The following PAK5 variants were observed in gnomAD, a reference collection of about 807,000 sequenced individuals.
PAK5 encodes the protein p21 (RAC1) activated kinase 5, also known as serine/threonine-protein kinase PAK 5.
PAK5 carries 16 observed loss-of-function variants against 65.9 expected under a neutral mutation model. That is an observed-to-expected ratio of 0.24 (90% CI 0.16 to 0.37). PAK5 has a LOEUF of 0.37. Among genes scored for constraint, PAK5 ranks in the 10% least tolerant of loss-of-function variants. The probability of loss-of-function intolerance (pLI) is 1.00; values close to 1 mark genes in which losing one functional copy is unlikely to be tolerated. For missense variants in PAK5, 785 were observed against 903.9 expected, an observed-to-expected ratio of 0.87 and a Z score of 1.69; for synonymous variants, 371 against 354.9, an observed-to-expected ratio of 1.05 and a Z score of -0.51.
At chr20:9,556,566 CA>C (rs1380967840) in intron 7 of PAK5, among the ~76,000 whole-genome samples, 2 of 152,208 alleles carry the variant, frequency 1.3e-5, no homozygotes, top group Non-Finnish European at 2.9e-5. Context: ...GTGGGAGTTT[CA>C]GGGGGCTCCG....
intron 1 of PAK5, among the ~76,000 whole-genome samples, chr20:9,802,249 A>C (rs1257305591): frequency 6.6e-6 from 1 of 152,152 alleles, no homozygotes; most frequent in Non-Finnish European, 1.5e-5. Flanking sequence ...GGCAAAGGGC[A>C]TATGGCTTAG....
At chr20:9,595,453 G>A (rs1331694536) in intron 3 of PAK5, among the ~76,000 whole-genome samples, 1 of 152,128 alleles carries the variant, frequency 6.6e-6, no homozygotes, top group East Asian at 1.9e-4. Context: ...TACCAACAAA[G>A]AGAGATGATC....
Position 9,802,910 on chromosome 20 carries a change from G to GTATATATATATATATATATATATATATA in PAK5, c.-162+35851_-162+35852insTATATATATATATATATATATATATATA, listed in dbSNP as rs57705525. Among the ~76,000 whole-genome samples the GTATATATATATATATATATATATATATA allele has an allele frequency of 5.0e-3, 231 of 46,312 alleles. 27 individuals are homozygous for GTATATATATATATATATATATATATATA. The highest frequency in any genetic ancestry group is 0.018 in the Middle Eastern group (1 of 56). 30.4% of individuals were successfully genotyped at this position (46,312 alleles called of 152,430 possible). On this transcript the variant is annotated intron_variant, in intron 1 of 9. Transcript: ENST00000353224. ...CTTCTGTACTATTGTATATGTATGT[G>GTATATATATATATATATATATATATATA]TATATATATATATATATATATATGA...
Position 9,764,202 on chromosome 20 carries a change from C to T in PAK5, c.-161-52767G>A, listed in dbSNP as rs4638871. Among the ~76,000 whole-genome samples the T allele has an allele frequency of 3.8e-3, 580 of 152,248 alleles. 3 individuals are homozygous for T. Among genetic ancestry groups the T allele is most frequent in the African/African-American group, 0.013 (543 of 41,568 alleles). On this transcript the variant is annotated intron_variant, in intron 1 of 9. Transcript: ENST00000353224. ...AAGGACACTGTGTTGGCTTCCATGA[C>T]ATTGACATTTTAAAAGAGTACAGCT...
intron 1 of PAK5, among the ~76,000 whole-genome samples, chr20:9,740,129 T>C (rs974818636): frequency 6.6e-6 from 1 of 152,178 alleles, no homozygotes; most frequent in Non-Finnish European, 1.5e-5. Flanking sequence ...TGGAAAAATG[T>C]CGGAGCCACT....
chr20:9,826,732 T>C (rs529652727), intron 1 of PAK5, among the ~76,000 whole-genome samples: 1 of 152,302 alleles, frequency 6.6e-6, no homozygotes, highest in South Asian at 2.1e-4. Flanking sequence ...GTGCATCTGT[T>C]GCTATGGAAA....
chr20:9,717,084 C>CAAAAA (rs58508007), intron 1 of PAK5, among the ~76,000 whole-genome samples: 1 of 122,486 alleles, frequency 8.2e-6, no homozygotes, highest in African/African-American at 3.0e-5. Flanking sequence ...GAACTTATCT[C>CAAAAA]AAAAAAAAAA....
At chr20:9,813,652 A>G (rs905883263) in intron 1 of PAK5, among the ~76,000 whole-genome samples, 3 of 152,190 alleles carry the variant, frequency 2.0e-5, no homozygotes, top group Non-Finnish European at 4.4e-5. Flanking sequence ...GCTATATAGC[A>G]ATGAGAATAA....
intron 1 of PAK5, among the ~76,000 whole-genome samples, chr20:9,736,903 A>G (rs527688657): frequency 1.4e-4 from 21 of 152,246 alleles, no homozygotes; most frequent in Non-Finnish European, 2.6e-4. Context: ...AAGTCTCAGA[A>G]GAAGCCAGTG....
chr20:9,631,313 A>G (rs2046918048), intron 3 of PAK5, among the ~76,000 whole-genome samples: 1 of 152,158 alleles, frequency 6.6e-6, no homozygotes. Context: ...GTGTCGTTAC[A>G]TGTCAAAGGT....
At chr20:9,760,358 A>G (rs971960587) in intron 1 of PAK5, among the ~76,000 whole-genome samples, 1 of 152,166 alleles carries the variant, frequency 6.6e-6, no homozygotes, top group Non-Finnish European at 1.5e-5. Context: ...CTACTTGATC[A>G]ACAATTCATT....
At chr20:9,650,347 GTTGATTTATA>G (rs574538087) in intron 2 of PAK5, among the ~76,000 whole-genome samples, 115 of 152,284 alleles carry the variant, frequency 7.6e-4, no homozygotes, top group African/African-American at 2.7e-3. Context: ...GTGCCTTTAA[GTTGATTTATA>G]TGACTGTGTC....
intron 1 of PAK5, among the ~76,000 whole-genome samples, chr20:9,760,727 C>T (rs1378801477): frequency 1.5e-4 from 22 of 142,910 alleles, no homozygotes; most frequent in Non-Finnish European, 3.1e-4. Context: ...GCTGGAGTGC[C>T]GTGGTACGAT....
At chr20:9,627,322 A>C (rs2046857856) in intron 3 of PAK5, among the ~76,000 whole-genome samples, 1 of 152,210 alleles carries the variant, frequency 6.6e-6, no homozygotes, top group South Asian at 2.1e-4. Context: ...AGACTTCAGA[A>C]AGTGAACTTG....
chr20:9,571,880 G>C (rs530698779), intron 4 of PAK5, among the ~76,000 whole-genome samples: 5 of 144,648 alleles, frequency 3.5e-5, no homozygotes, highest in Admixed American at 6.9e-5. Flanking sequence ...ATGATGGGGG[G>C]GGGGGATGTG....
rs562954592 is a variant in PAK5 at position 9,639,266 on chromosome 20, G to A, written c.204+4859C>T. On this transcript the variant is annotated intron_variant, in intron 3 of 9. Coordinates refer to ENST00000353224, the MANE Select transcript of PAK5 (RefSeq NM_177990.4). Reference sequence around the variant, plus strand: ...CTTTTAATTTTTACTTATTGTAAGAGTCTGGTAGTCACAGGATTCTGTTTG... The same window carrying A: ...CTTTTAATTTTTACTTATTGTAAGAATCTGGTAGTCACAGGATTCTGTTTG... Among the ~76,000 whole-genome samples, 4 of 152,252 alleles carry A rather than the reference G, an allele frequency of 2.6e-5. No individual in the cohort carries two copies. The East Asian group carries it at 7.7e-4, about 29-fold the overall frequency.
chr20:9,669,123 T>C (rs8124354), intron 2 of PAK5, among the ~76,000 whole-genome samples: 5,489 of 152,314 alleles, frequency 0.036, 152 homozygotes, highest in Non-Finnish European at 0.048. Flanking sequence ...TAATGCAATA[T>C]ATGTAACACA....
chr20:9,809,656 T>C (rs1162954936), intron 1 of PAK5, among the ~76,000 whole-genome samples: 4 of 152,202 alleles, frequency 2.6e-5, no homozygotes, highest in Admixed American at 6.5e-5. Context: ...TTGTCAAACA[T>C]TTCTTAAACT....
At chr20:9,693,422 C>T (rs980000315) in intron 2 of PAK5, among the ~76,000 whole-genome samples, 2 of 151,940 alleles carry the variant, frequency 1.3e-5, no homozygotes, top group Admixed American at 1.3e-4. Context: ...CTCTTCATCT[C>T]TCGTTTACCT....
Sources: gnomAD v4.1 joint callset for allele counts (sites outside exome capture counted in the v4.1 genomes callset) on GRCh38, gnomAD v4.1.1 for gene constraint, MANE v1.5 for transcripts, NCBI Gene and HGNC (gene_info 2026-07-23, HGNC 2026-07-21) for gene names.